Variants in SSH1 observed in about 807,000 individuals in gnomAD.
The protein encoded by SSH1 is slingshot protein phosphatase 1, also known as protein phosphatase Slingshot homolog 1.
A neutral mutation model predicts 79.7 loss-of-function variants in SSH1; 43 were observed. That is an observed-to-expected ratio of 0.54 (90% CI 0.42 to 0.70). The LOEUF (loss-of-function observed/expected upper bound fraction) is 0.70. Ranked by LOEUF, SSH1 falls within the 30% of genes least tolerant of loss-of-function variation. The probability of loss-of-function intolerance (pLI) is 0.00; values close to 1 mark genes in which losing one functional copy is unlikely to be tolerated. For missense variants in SSH1, 1,206 were observed against 1,358.8 expected, an observed-to-expected ratio of 0.89 and a Z score of 1.77; for synonymous variants, 599 against 538.3, an observed-to-expected ratio of 1.11 and a Z score of -1.56.
At chr12:108,834,525 C>T (rs947369840) in intron 2 of SSH1, 3 of 152,226 alleles carry the variant, frequency 2.0e-5, no homozygotes, top group African/African-American at 4.8e-5. Context: ...ACAGAAAATA[C>T]AGTATTTGAG....
At position 108,789,784 on chromosome 12, in the gene SSH1, C is replaced by G. The variant is rs137913227; in HGVS notation, c.1894-540G>C. Among the ~76,000 whole-genome samples, 909 of 152,250 alleles carry G rather than the reference C, an allele frequency of 6.0e-3. 6 individuals are homozygous for G. The highest frequency in any genetic ancestry group is 9.3e-3 in the Non-Finnish European group (629 of 67,996). ...AAGCAGGAAGGAGGAGGGCACCCCC[C>G]TACCCCACCCCGCCTGCACAGGACT... On this transcript the variant is annotated intron_variant, in intron 14 of 14. Transcript: ENST00000326495.
In SSH1 at chr12:108,857,540, A is replaced by G; in HGVS notation, c.-44T>C. On this transcript the variant is annotated 5_prime_UTR_variant, in exon 1 of 15. Transcript: ENST00000326495. The surrounding 1 kb of genome is among the most constrained non-coding windows in gnomAD (Gnocchi z 4.7). ...GGGCGCCACAGACGTCTCGAGCTAG[A>G]GCCGCCACCGCCACCGCCGCCCGGG... is the stretch of plus-strand genomic sequence containing the variant. 1 of 1,037,182 alleles carries G rather than the reference A, an allele frequency of 9.6e-7. No homozygotes were observed. Among genetic ancestry groups the G allele is most frequent in the Non-Finnish European group, 1.2e-6 (1 of 856,098 alleles). The allele number at this position is 1,037,182 out of a possible 1,614,324, so 64.2% of individuals were successfully genotyped here.
At chr12:108,840,310 T>C (rs1408443423) in intron 2 of SSH1, among the ~76,000 whole-genome samples, 1 of 152,016 alleles carries the variant, frequency 6.6e-6, no homozygotes, top group African/African-American at 2.4e-5. Context: ...GGTGGTTGGA[T>C]TGCTTGTGGT....
Position 108,817,169 on chromosome 12 carries a change from G to C in SSH1, c.280-10C>G. On this transcript the variant is annotated splice_polypyrimidine_tract_variant and intron_variant, in intron 4 of 14. Coordinates refer to ENST00000326495, the MANE Select transcript of SSH1 (RefSeq NM_018984.4). ...TCTCCAGGCGCACTGCCTGGAACAG[G>C]GCAGACATGCTCTCACTAACCTGCC... is the stretch of plus-strand genomic sequence containing the variant. 1.2e-6 allele frequency: 2 copies of C among 1,613,414 alleles called. No individual in the cohort carries two copies. The highest frequency in any genetic ancestry group is 1.7e-6 in the Non-Finnish European group (2 of 1,179,938).
intron 2 of SSH1, among the ~76,000 whole-genome samples, chr12:108,834,784 GA>G (rs2038558574): frequency 1.3e-5 from 2 of 152,186 alleles, no homozygotes; most frequent in Non-Finnish European, 2.9e-5. Flanking sequence ...AATGGGATGT[GA>G]GGGCCAGGAT....
Position 108,857,517 on chromosome 12 carries a change from GCGCCACAGACGTCTCGAGCTAGAGC to G in SSH1, c.-46_-22del. On this transcript the variant is annotated 5_prime_UTR_variant, in exon 1 of 15. Transcript: ENST00000326495. The surrounding 1 kb of genome is among the most constrained non-coding windows in gnomAD (Gnocchi z 4.7). ...GCCATGGCTGCGGCGCGGTGCGAGG[GCGCCACAGACGTCTCGAGCTAGAGC>G]CGCCACCGCCACCGCCGCCCGGGCC... The G allele has an allele frequency of 8.9e-7, 1 of 1,124,428 alleles. No homozygotes were observed. The highest frequency in any genetic ancestry group is 1.1e-6 in the Non-Finnish European group (1 of 900,808). The allele number at this position is 1,124,428 out of a possible 1,614,324, so 69.7% of individuals were successfully genotyped here.
intron 2 of SSH1, among the ~76,000 whole-genome samples, chr12:108,851,447 AAC>A (rs2137292316): frequency 6.6e-6 from 1 of 152,310 alleles, no homozygotes; most frequent in African/African-American, 2.4e-5. Flanking sequence ...CATGAGATAA[AAC>A]AGACTATTTT....
chr12:108,830,561 TTCTGCTGGTAAAAGG>T (rs2038448560), intron 2 of SSH1, among the ~76,000 whole-genome samples: 1 of 152,136 alleles, frequency 6.6e-6, no homozygotes, highest in Admixed American at 6.5e-5. Flanking sequence ...CGTCGATGTT[TTCTGCTGGTAAAAGG>T]TAACACCAAC....
chr12:108,817,207 G>T (rs1284539165), intron 4 of SSH1, 48 bp from the exon 5 acceptor site: 1 of 1,608,046 alleles, frequency 6.2e-7, no homozygotes, highest in Non-Finnish European at 8.5e-7. Context: ...TGGAGGTGGT[G>T]CCTCCCTCCC....
chr12:108,798,739 A>G (rs1428029645), intron 13 of SSH1, among the ~76,000 whole-genome samples: 1 of 152,242 alleles, frequency 6.6e-6, no homozygotes, highest in East Asian at 1.9e-4. Context: ...GAACCTAGGC[A>G]CCGTTCCCTC....
chr12:108,829,812 T>G (rs754203689), intron 2 of SSH1, among the ~76,000 whole-genome samples: 2 of 152,068 alleles, frequency 1.3e-5, no homozygotes, highest in Non-Finnish European at 1.5e-5. Flanking sequence ...TTTTAAAAAG[T>G]TCCAGGGAGC....
rs1264328816 is a variant in SSH1 at position 108,807,663 on chromosome 12, C to T, written c.701G>A (p.Arg234Gln). The change falls in exon 8 of 15, where the codon CGG (arginine) becomes CAG (glutamine). Residue 234 changes from arginine to glutamine, a missense_variant. Physicochemically the swap from Arg to Gln is conservative, Grantham distance 43. Coordinates refer to ENST00000326495, the MANE Select transcript of SSH1 (RefSeq NM_018984.4). This position sits in a 1 kb window ranked among gnomAD's most constrained non-coding sequence, Gnocchi z 5.2. ...CACAAATAGCGCGGGGGAGTCGGGCCGCGTAGACTCCAGGTCCTGCATGGC... is the reference window on the plus strand; with the variant it reads ...CACAAATAGCGCGGGGGAGTCGGGCTGCGTAGACTCCAGGTCCTGCATGGC... Reference protein sequence around the residue: ...WNAMQDLESTRPDSPALFVDK... With the variant: ...WNAMQDLESTQPDSPALFVDK... 9 of 1,612,882 alleles carry T rather than the reference C, an allele frequency of 5.6e-6. No individual in the cohort carries two copies. Among genetic ancestry groups the T allele is most frequent in the East Asian group, 4.5e-5 (2 of 44,770 alleles).
chr12:108,789,617 T>A (rs1454831358), intron 14 of SSH1, among the ~76,000 whole-genome samples: 2 of 152,032 alleles, frequency 1.3e-5, no homozygotes, highest in Admixed American at 1.3e-4. Context: ...GAAAGCTGTG[T>A]GAAGAGTCCC....
chr12:108,834,023 C>T (rs1422111206), intron 2 of SSH1: 2 of 152,234 alleles, frequency 1.3e-5, no homozygotes, highest in African/African-American at 4.8e-5. Context: ...GTCCAAACTT[C>T]TTGTGCTAAC....
At position 108,792,302 on chromosome 12, in the gene SSH1, C is replaced by T. The variant is rs1422953560; in HGVS notation, c.1877G>A (p.Cys626Tyr). The T allele has an allele frequency of 2.5e-6, 4 of 1,614,174 alleles. No individual in the cohort carries two copies. The South Asian group carries it at 4.4e-5, about 18-fold the overall frequency. Residue 626 changes from cysteine (C) to tyrosine (Y), a missense_variant, in exon 14 of 15, where the codon TGT (cysteine) becomes TAT (tyrosine). By Grantham distance (194) the Cys-to-Tyr change is radical (BLOSUM62 -2). Around this residue, in one of 5 missense-constraint regions of SSH1, gnomAD observed 709 missense variants for 730.6 expected, o/e 0.97. Coordinates refer to ENST00000326495, the MANE Select transcript of SSH1 (RefSeq NM_018984.4). ...TCTGCCTACCTCCATGCCGTTGGGA[C>T]AGCTCCTCTTGCTGTTGTTGTTTAG... Reference protein sequence around the residue: ...ENLNNNSKRSCPNGMEDDAIF... With the variant: ...ENLNNNSKRSYPNGMEDDAIF...
chr12:108,788,064 G>A lies in SSH1; in HGVS notation c.3074C>T (p.Pro1025Leu). 1 of 1,614,116 alleles carries A rather than the reference G, an allele frequency of 6.2e-7. No individual in the cohort carries two copies. The highest frequency in any genetic ancestry group is 1.1e-5 in the South Asian group (1 of 91,080). ...LHEPQGTPRD[P>L]AATSKPSGKP... ...CCCTGATGGTTTGGAGGTTGCAGCTGGGTCCCTCGGGGTTCCCTGGGGCTC... is the reference window on the plus strand; with the variant it reads ...CCCTGATGGTTTGGAGGTTGCAGCTAGGTCCCTCGGGGTTCCCTGGGGCTC... Residue 1025 changes from proline to leucine, a missense_variant, in exon 15 of 15, where the codon CCA becomes CTA. Transcript: ENST00000326495.
chr12:108,806,520 T>C, intron 8 of SSH1, 126 bp from the exon 9 acceptor site: 1 of 838,098 alleles, frequency 1.2e-6, no homozygotes, highest in Non-Finnish European at 2.0e-6. Context: ...CGCTTCTTGG[T>C]GTGCATGTTC....
chr12:108,834,903 G>A (rs895739577), intron 2 of SSH1, among the ~76,000 whole-genome samples: 7 of 152,180 alleles, frequency 4.6e-5, no homozygotes, highest in Non-Finnish European at 5.9e-5. Context: ...CAGTATTCCA[G>A]GAGTAACTCA....
chr12:108,833,153 C>CTT (rs763525533), intron 2 of SSH1, among the ~76,000 whole-genome samples: 2 of 143,652 alleles, frequency 1.4e-5, no homozygotes, highest in African/African-American at 2.5e-5. Flanking sequence ...CAAAAGCAAG[C>CTT]TTTTTTTTTT....
Sources: allele counts gnomAD v4.1 joint callset (sites outside exome capture counted in the v4.1 genomes callset), GRCh38; gene constraint gnomAD v4.1.1; regional missense constraint gnomAD v4.1.1; non-coding constraint Gnocchi (gnomAD v3.1); transcripts MANE v1.5; gene names NCBI Gene and HGNC (gene_info 2026-07-23, HGNC 2026-07-21).